The following NPAS3 variants were observed in gnomAD, a reference collection of about 807,000 sequenced individuals.
NPAS3 encodes neuronal PAS domain-containing protein 3.
Under a neutral mutation model 73.1 loss-of-function variants are expected in NPAS3, and 14 were observed. The ratio of observed to expected loss-of-function variants is 0.19; its 90% CI spans 0.13 to 0.30. The LOEUF is 0.30. NPAS3 is among the 10% of genes least tolerant of loss of function. The pLI is 1.00. For missense variants in NPAS3, 1,096 were observed against 1,250.0 expected, an observed-to-expected ratio of 0.88 and a Z score of 1.86; for synonymous variants, 620 against 541.5, an observed-to-expected ratio of 1.14 and a Z score of -2.01.
chr14:33,707,612 GGGT>G (rs1458384090), intron 6 of NPAS3, among the ~76,000 whole-genome samples: 1 of 152,166 alleles, frequency 6.6e-6, no homozygotes, highest in African/African-American at 2.4e-5. Flanking sequence ...GAATGCAGTC[GGGT>G]GGAAAAGTAT....
Position 33,667,349 on chromosome 14 carries a change from C to G in NPAS3, c.559-8862C>G, listed in dbSNP as rs376703412. On this transcript the variant is annotated intron_variant, in intron 5 of 11. Coordinates refer to ENST00000356141, the Ensembl canonical transcript of NPAS3. ...CCAGATTACATGTGTGTGATTACAG[C>G]ATTGTTCTGGTGAGACAAGACATAG... Among the ~76,000 whole-genome samples, 5 of 152,270 alleles carry G rather than the reference C, an allele frequency of 3.3e-5. No homozygotes were observed. In the South Asian group the frequency reaches 1.0e-3, roughly 32 times the overall value.
chr14:33,009,780 G>A (rs2039126531), intron 1 of NPAS3, among the ~76,000 whole-genome samples: 2 of 152,110 alleles, frequency 1.3e-5, no homozygotes, highest in African/African-American at 4.8e-5. Flanking sequence ...CATGTGGCTG[G>A]TGAGTGCCAA....
At position 33,680,617 on chromosome 14, in the gene NPAS3, C is replaced by G. The variant is rs2059908461; in HGVS notation, c.733+4232C>G. 7 of 702,708 alleles carry G rather than the reference C, an allele frequency of 1.0e-5. No homozygotes were observed. In the East Asian group the frequency reaches 1.6e-4, roughly 16 times the overall value. 43.5% of individuals were successfully genotyped at this position (702,708 alleles called of 1,614,324 possible). ...TCTGTCTCCAGTGGTTTGCTTCCCA[C>G]CAGCGAGTGATCAGTTTCTTCTGTA... On this transcript the variant is annotated intron_variant, in intron 6 of 11. Transcript: ENST00000356141.
chr14:33,573,507 A>G (rs2056313036), intron 5 of NPAS3, among the ~76,000 whole-genome samples: 1 of 152,124 alleles, frequency 6.6e-6, no homozygotes, highest in African/African-American at 2.4e-5. Context: ...GAAGTTTGCA[A>G]AGAATTTACT....
chr14:33,713,897 A>C (rs1166144355), intron 6 of NPAS3, among the ~76,000 whole-genome samples: 2 of 152,124 alleles, frequency 1.3e-5, no homozygotes, highest in African/African-American at 4.8e-5. Context: ...TGCTGTGTCC[A>C]CATTGGCCTC....
chr14:33,023,982 A>G (rs2039701389), intron 1 of NPAS3, among the ~76,000 whole-genome samples: 1 of 152,164 alleles, frequency 6.6e-6, no homozygotes. Context: ...TTAGATGTTC[A>G]TAGTATGGAT....
intron 1 of NPAS3, among the ~76,000 whole-genome samples, chr14:33,005,047 G>C (rs2038953099): frequency 6.6e-6 from 1 of 151,586 alleles, no homozygotes; most frequent in Admixed American, 6.6e-5. Flanking sequence ...GCCTGAGGCT[G>C]TTTTATAGTT....
At chr14:33,779,576 T>C (rs780983979) in intron 9 of NPAS3, among the ~76,000 whole-genome samples, 1 of 152,120 alleles carries the variant, frequency 6.6e-6, no homozygotes, top group African/African-American at 2.4e-5. Flanking sequence ...ATTGTAATAC[T>C]GCATTTTTAC....
At chr14:33,251,180 A>C (rs1594511438) in intron 3 of NPAS3, among the ~76,000 whole-genome samples, 1 of 152,104 alleles carries the variant, frequency 6.6e-6, no homozygotes, top group African/African-American at 2.4e-5. Flanking sequence ...TGAAGCCATC[A>C]ATCTCGCTTA....
At chr14:33,405,749 GT>G (rs1254871202) in intron 4 of NPAS3, among the ~76,000 whole-genome samples, 1 of 152,072 alleles carries the variant, frequency 6.6e-6, no homozygotes, top group Non-Finnish European at 1.5e-5. Context: ...AGGTGATTTG[GT>G]TTAAAGTATT....
At chr14:33,464,335 G>A (rs1243573192) in intron 4 of NPAS3, among the ~76,000 whole-genome samples, 1 of 152,104 alleles carries the variant, frequency 6.6e-6, no homozygotes, top group South Asian at 2.1e-4. Context: ...TGGTTCAAAT[G>A]AATCGGCGTT....
intron 5 of NPAS3, among the ~76,000 whole-genome samples, chr14:33,619,481 A>G (rs2058019043): frequency 6.6e-6 from 1 of 152,178 alleles, no homozygotes; most frequent in Admixed American, 6.5e-5. Flanking sequence ...CCTTGATTAG[A>G]TGCACTTTAG....
intron 9 of NPAS3, among the ~76,000 whole-genome samples, chr14:33,781,526 C>A (rs1242263461): frequency 6.6e-6 from 1 of 152,172 alleles, no homozygotes; most frequent in African/African-American, 2.4e-5. Context: ...CTGAAGGATG[C>A]CTCAACTGTG....
intron 4 of NPAS3, among the ~76,000 whole-genome samples, chr14:33,493,414 A>G (rs1048815421): frequency 5.9e-5 from 9 of 151,880 alleles, no homozygotes; most frequent in Non-Finnish European, 1.2e-4. Context: ...GAGCAATACA[A>G]GGGCATCGCT....
intron 5 of NPAS3, among the ~76,000 whole-genome samples, chr14:33,618,267 CTAT>C (rs998329030): frequency 5.9e-5 from 9 of 151,760 alleles, no homozygotes; most frequent in Non-Finnish European, 8.8e-5. Context: ...CACTTTATTT[CTAT>C]TATTATTATA....
chr14:33,312,087 G>A (rs1283027687), intron 3 of NPAS3, among the ~76,000 whole-genome samples: 1 of 152,116 alleles, frequency 6.6e-6, no homozygotes, highest in Non-Finnish European at 1.5e-5. Context: ...ACAGTAGTCA[G>A]AGCTCTGGTC....
At chr14:33,138,742 T>C (rs1424440893) in intron 2 of NPAS3, among the ~76,000 whole-genome samples, 1 of 152,164 alleles carries the variant, frequency 6.6e-6, no homozygotes, top group Non-Finnish European at 1.5e-5. Flanking sequence ...AATGCTGGAA[T>C]GAATGTGTGA....
intron 3 of NPAS3, among the ~76,000 whole-genome samples, chr14:33,309,331 C>T (rs1171112332): frequency 6.6e-6 from 1 of 152,146 alleles, no homozygotes. Context: ...GCCGTCAGCC[C>T]CTCAGCTTTC....
chr14:33,437,775 A>C (rs2049053624), intron 4 of NPAS3, among the ~76,000 whole-genome samples: 1 of 152,242 alleles, frequency 6.6e-6, no homozygotes, highest in African/African-American at 2.4e-5. Flanking sequence ...ATAGCCTTAC[A>C]GAAGTAATGA....
Sources: gnomAD v4.1 joint callset for allele counts (sites outside exome capture counted in the v4.1 genomes callset) on GRCh38, gnomAD v4.1.1 for gene constraint, MANE v1.5 for transcripts, NCBI Gene and HGNC (gene_info 2026-07-23, HGNC 2026-07-21) for gene names.